The following ZCCHC10 variants were observed in gnomAD, a reference collection of about 807,000 sequenced individuals.
ZCCHC10 encodes the protein zinc finger CCHC domain-containing protein 10.
Under a neutral mutation model 19.5 loss-of-function variants are expected in ZCCHC10, and 16 were observed. The ratio of observed to expected loss-of-function variants is 0.82; its 90% CI spans 0.56 to 1.25. The LOEUF (loss-of-function observed/expected upper bound fraction) is 1.25. ZCCHC10 is among the 50% of genes most tolerant of loss of function. ZCCHC10 has a pLI of 0.00. For synonymous variants in ZCCHC10, 67 were observed against 72.5 expected (o/e 0.92, Z 0.38); for missense variants, 197 against 201.0 (o/e 0.98, Z 0.12).
chr5:133,025,536 AAG>A (rs1278750436), intron 1 of ZCCHC10, among the ~76,000 whole-genome samples: 1 of 149,384 alleles, frequency 6.7e-6, no homozygotes, highest in Non-Finnish European at 1.5e-5. Flanking sequence ...AAAAAAAAGA[AAG>A]GGGCATCTGG....
At chr5:133,019,906 C>T (rs1326354672) in intron 2 of ZCCHC10, among the ~76,000 whole-genome samples, 2 of 148,044 alleles carry the variant, frequency 1.4e-5, no homozygotes, top group African/African-American at 2.5e-5. Flanking sequence ...GAGCTGAAAT[C>T]GTGCCTCTGC....
At chr5:133,022,491 G>C (rs1219282524) in intron 2 of ZCCHC10, among the ~76,000 whole-genome samples, 1 of 149,416 alleles carries the variant, frequency 6.7e-6, no homozygotes, top group African/African-American at 2.5e-5. Flanking sequence ...CTCTCGGTCT[G>C]TCGCCAGGCT....
intron 3 of ZCCHC10, 25 bp from the exon 4 acceptor site, chr5:133,000,198 G>A (rs1217280162): frequency 1.2e-6 from 2 of 1,613,122 alleles, no homozygotes; most frequent in Admixed American, 1.7e-5. Context: ...GGGGAAAAAA[G>A]CTCCTGTTAA....
Position 132,998,353 on chromosome 5 carries a change from A to C in ZCCHC10, c.*230T>G. The C allele has an allele frequency of 2.4e-6, 1 of 421,506 alleles. No individual in the cohort carries two copies. The highest frequency in any genetic ancestry group is 4.3e-6 in the Non-Finnish European group (1 of 233,272). The allele number at this position is 421,506 out of a possible 1,614,324, so 26.1% of individuals were successfully genotyped here. The stretch of plus-strand genomic sequence containing the variant: ...TTTGCAGATTTCAGCTTTAAGTTCT[A>C]GAGATATATTTTAAAGATAAAAAAA... On this transcript the variant is annotated 3_prime_UTR_variant, in exon 5 of 5. Coordinates refer to ENST00000509437, the MANE Select transcript of ZCCHC10 (RefSeq NM_001300816.3).
chr5:133,012,569 A>C (rs1045752114), intron 2 of ZCCHC10, among the ~76,000 whole-genome samples: 2 of 152,100 alleles, frequency 1.3e-5, no homozygotes, highest in Non-Finnish European at 2.9e-5. Context: ...AAAAAAAGAA[A>C]GATGGATAAC....
chr5:133,025,503 CAAAAA>C (rs74843776), intron 1 of ZCCHC10, among the ~76,000 whole-genome samples: 91 of 18,672 alleles, frequency 4.9e-3, no homozygotes, highest in African/African-American at 9.4e-3. Context: ...GACTCCGCCT[CAAAAA>C]AAAAAAAAAA....
chr5:133,006,607 C>T (rs1358536643), intron 3 of ZCCHC10, 152 bp downstream of exon 3: 5 of 684,422 alleles, frequency 7.3e-6, no homozygotes, highest in Non-Finnish European at 1.1e-5. Context: ...TATAAAGACC[C>T]TAGAATAGTA....
chr5:133,006,720 T>A (rs761280052), intron 3 of ZCCHC10, 39 bp downstream of exon 3: 1 of 1,552,638 alleles, frequency 6.4e-7, no homozygotes, highest in Non-Finnish European at 8.7e-7. Flanking sequence ...TATATACACA[T>A]TAAAAAAATA....
At chr5:133,006,943 CA>C (rs1314759941) in intron 2 of ZCCHC10, 23 bp from the exon 3 acceptor site, 1 of 1,565,692 alleles carries the variant, frequency 6.4e-7, no homozygotes, top group Non-Finnish European at 8.6e-7. Context: ...AAACAGAATA[CA>C]AGCCTTAAAA....
intron 3 of ZCCHC10, among the ~76,000 whole-genome samples, chr5:133,002,237 A>T (rs543772041): frequency 6.6e-6 from 1 of 152,270 alleles, no homozygotes; most frequent in East Asian, 1.9e-4. Context: ...CTGGGATTGC[A>T]GGTGTGAGCC....
At chr5:133,024,422 G>T (rs1764531964) in intron 1 of ZCCHC10, among the ~76,000 whole-genome samples, 1 of 152,152 alleles carries the variant, frequency 6.6e-6, no homozygotes, top group African/African-American at 2.4e-5. Context: ...CAATCAACTT[G>T]AAGCTGAGAG....
intron 2 of ZCCHC10, among the ~76,000 whole-genome samples, chr5:133,011,917 G>T (rs958446483): frequency 6.6e-6 from 1 of 151,936 alleles, no homozygotes; most frequent in South Asian, 2.1e-4. Context: ...ATCATTTGAG[G>T]TCAGAAGTTC....
intron 3 of ZCCHC10, chr5:133,003,453 C>T: frequency 4.6e-6 from 1 of 216,786 alleles, no homozygotes; most frequent in South Asian, 6.4e-5. Flanking sequence ...AAATATTTCT[C>T]CTCTAAATGC....
At chr5:133,018,860 C>G (rs1159523641) in intron 2 of ZCCHC10, among the ~76,000 whole-genome samples, 2 of 152,282 alleles carry the variant, frequency 1.3e-5, no homozygotes, top group South Asian at 4.1e-4. Flanking sequence ...ACTCAGTAAT[C>G]GTCTTTTCTT....
At chr5:133,026,165 T>A (rs2126672386) in intron 1 of ZCCHC10, among the ~76,000 whole-genome samples, 1 of 152,296 alleles carries the variant, frequency 6.6e-6, no homozygotes, top group South Asian at 2.1e-4. Flanking sequence ...GACCGGGGCT[T>A]CAGGGCTCCC....
chr5:132,998,524 C>T lies in ZCCHC10; in HGVS notation c.*59G>A, dbSNP rs1581364648. The T allele has an allele frequency of 6.7e-7, 1 of 1,503,306 alleles. No individual in the cohort carries two copies. The highest frequency in any genetic ancestry group is 2.3e-5 in the East Asian group (1 of 44,168). 93.1% of individuals were successfully genotyped at this position (1,503,306 alleles called of 1,614,324 possible). A position where few individuals can be genotyped will look rare whatever the true frequency, so the allele number is the denominator to read the frequency against. On this transcript the variant is annotated 3_prime_UTR_variant, in exon 5 of 5. Coordinates refer to ENST00000509437, the MANE Select transcript of ZCCHC10 (RefSeq NM_001300816.3). Reference sequence around the variant, plus strand: ...ACTTGGCCTTAACATATTCTAAATTCCCTTTCAAGAATCACATCAATGTTT... The same window carrying T: ...ACTTGGCCTTAACATATTCTAAATTTCCTTTCAAGAATCACATCAATGTTT...
intron 3 of ZCCHC10, among the ~76,000 whole-genome samples, chr5:133,004,403 A>G (rs1055307143): frequency 1.3e-5 from 2 of 151,970 alleles, no homozygotes; most frequent in African/African-American, 4.8e-5. Flanking sequence ...CAAACTCCCA[A>G]CCTCAGGTGA....
chr5:133,014,469 T>G (rs1447786870), intron 2 of ZCCHC10, among the ~76,000 whole-genome samples: 1 of 152,136 alleles, frequency 6.6e-6, no homozygotes, highest in Non-Finnish European at 1.5e-5. Flanking sequence ...CCAGACCTAT[T>G]TATTCTTTAG....
chr5:133,015,800 T>C (rs1195619709), intron 2 of ZCCHC10, among the ~76,000 whole-genome samples: 2 of 152,232 alleles, frequency 1.3e-5, no homozygotes, highest in Non-Finnish European at 2.9e-5. Context: ...TGATATTTAT[T>C]GTTATAAGCC....
Sources: gnomAD v4.1 joint callset for allele counts (sites outside exome capture counted in the v4.1 genomes callset) on GRCh38, gnomAD v4.1.1 for gene constraint, MANE v1.5 for transcripts, NCBI Gene and HGNC (gene_info 2026-07-23, HGNC 2026-07-21) for gene names.